The following CRISP1 variants were observed in gnomAD, a reference collection of about 807,000 sequenced individuals.
CRISP1 encodes cysteine-rich secretory protein 1.
A neutral mutation model predicts 33.1 loss-of-function variants in CRISP1; 44 were observed. The observed-to-expected ratio is 1.33, with a 90% CI of 1.05 to 1.71. The LOEUF (loss-of-function observed/expected upper bound fraction) is 1.71. Ranked by LOEUF, CRISP1 falls within the 40% of genes most tolerant of loss-of-function variation. CRISP1 has a pLI of 0.00. For missense variants in CRISP1, 390 were observed against 301.2 expected, an observed-to-expected ratio of 1.29 and a Z score of -2.18; for synonymous variants, 103 against 98.7, an observed-to-expected ratio of 1.04 and a Z score of -0.26.
intron 1 of CRISP1, among the ~76,000 whole-genome samples, chr6:49,864,390 GT>G (rs1771742151): frequency 8.2e-6 from 1 of 121,926 alleles, no homozygotes; most frequent in Non-Finnish European, 1.6e-5. Flanking sequence ...TTCACTGTGT[GT>G]GTGTGTGTGT....
intron 5 of CRISP1, among the ~76,000 whole-genome samples, chr6:49,846,116 G>A (rs1427745168): frequency 6.6e-6 from 1 of 152,162 alleles, no homozygotes; most frequent in Non-Finnish European, 1.5e-5. Context: ...CCACATTAAT[G>A]CTGAACATGA....
At chr6:49,836,461 G>C (rs935493570) in intron 7 of CRISP1, among the ~76,000 whole-genome samples, 1 of 150,716 alleles carries the variant, frequency 6.6e-6, no homozygotes, top group Non-Finnish European at 1.5e-5. Context: ...TCAGCCTCCC[G>C]AGTAGCTGGG....
chr6:49,856,148 T>C (rs759789171), intron 2 of CRISP1, among the ~76,000 whole-genome samples: 1 of 152,190 alleles, frequency 6.6e-6, no homozygotes, highest in East Asian at 1.9e-4. Flanking sequence ...ACTTATCTGC[T>C]CTTTGCTCTG....
chr6:49,872,522 T>C (rs1771948407), intron 1 of CRISP1, among the ~76,000 whole-genome samples: 1 of 152,200 alleles, frequency 6.6e-6, no homozygotes, highest in Admixed American at 6.5e-5. Flanking sequence ...TCTAGGGTTT[T>C]TATGGTTTTA....
rs942035641 is a variant in CRISP1, at chr6:49,834,632, T to C, written c.*684A>G. On this transcript the variant is annotated 3_prime_UTR_variant, in exon 8 of 8. Transcript: ENST00000335847. ...ATATTATGCTATTTTATATATCTTT[T>C]ATACTGCCTTTGCAATGAAATGAAA... The C allele has an allele frequency of 1.8e-4, 28 of 152,196 alleles. No homozygotes were observed. The highest frequency in any genetic ancestry group is 1.8e-3 in the Admixed American group (27 of 15,274). 9.4% of individuals were successfully genotyped at this position (152,196 alleles called of 1,614,324 possible).
chr6:49,869,050 C>A (rs1041347369), upstream of CRISP1, among the ~76,000 whole-genome samples: 2 of 152,082 alleles, frequency 1.3e-5, no homozygotes, highest in African/African-American at 4.8e-5. Flanking sequence ...TTGTCTACTT[C>A]TCATAATAAA....
chr6:49,874,208 T>C (rs1771983966), intron 1 of CRISP1, among the ~76,000 whole-genome samples: 2 of 152,066 alleles, frequency 1.3e-5, no homozygotes, highest in South Asian at 4.1e-4. Flanking sequence ...AGATCTTCCT[T>C]CAGTAGCTAT....
chr6:49,862,792 C>T (rs931867063), intron 1 of CRISP1, among the ~76,000 whole-genome samples: 6 of 149,280 alleles, frequency 4.0e-5, no homozygotes, highest in Admixed American at 2.0e-4. Context: ...CTCAAAGTTA[C>T]ACCTTCTCAG....
chr6:49,837,721 T>G (rs1044157541), intron 7 of CRISP1, among the ~76,000 whole-genome samples: 2 of 152,130 alleles, frequency 1.3e-5, no homozygotes, highest in Admixed American at 6.5e-5. Flanking sequence ...CTAAGGTTTA[T>G]TTTTTTCTCC....
At chr6:49,863,557 A>T (rs564638427) in intron 1 of CRISP1, among the ~76,000 whole-genome samples, 27 of 152,360 alleles carry the variant, frequency 1.8e-4, no homozygotes, top group Middle Eastern at 3.4e-3. Context: ...AACTTGATAC[A>T]TTATTTAAAT....
chr6:49,852,389 A>G (rs1189803174), intron 2 of CRISP1, among the ~76,000 whole-genome samples: 2 of 152,150 alleles, frequency 1.3e-5, no homozygotes, highest in African/African-American at 2.4e-5. Context: ...TTCCAGGTTC[A>G]TACTTTGGAC....
chr6:49,858,792 A>G (rs565150843), intron 1 of CRISP1, among the ~76,000 whole-genome samples: 1 of 152,300 alleles, frequency 6.6e-6, no homozygotes, highest in South Asian at 2.1e-4. Flanking sequence ...AAAAAGGTAA[A>G]TAAAAGGGAG....
intron 1 of CRISP1, among the ~76,000 whole-genome samples, chr6:49,873,980 T>C (rs931776712): frequency 2.0e-5 from 3 of 152,084 alleles, no homozygotes; most frequent in Admixed American, 1.3e-4. Context: ...ATACATTCCT[T>C]AACCCACAGT....
rs771323783 is a variant in CRISP1 at position 49,838,993 on chromosome 6, A to G, written c.534-468T>C. 5.3e-5 allele frequency among the ~76,000 whole-genome samples: 8 copies of G among 152,332 alleles called. No homozygotes were observed. In the East Asian group the frequency reaches 5.8e-4, roughly 11 times the overall value. On this transcript the variant is annotated intron_variant, in intron 6 of 7. Coordinates refer to ENST00000335847, the MANE Select transcript of CRISP1 (RefSeq NM_001131.3). ...TTCTAACTCCATCTTGCACTATGTT[A>G]TAAGAAACTTTTTACATGTTAATGT...
intron 3 of CRISP1, among the ~76,000 whole-genome samples, chr6:49,851,289 A>G (rs1289838125): frequency 6.6e-6 from 1 of 152,146 alleles, no homozygotes; most frequent in Non-Finnish European, 1.5e-5. Flanking sequence ...AGGCCGGTCC[A>G]GGGTTCAAGG....
intron 1 of CRISP1, among the ~76,000 whole-genome samples, chr6:49,872,405 T>A (rs962303070): frequency 6.6e-6 from 1 of 152,138 alleles, no homozygotes; most frequent in African/African-American, 2.4e-5. Context: ...TTTAGTTTAA[T>A]TAGATCCCAT....
chr6:49,848,392 C>A lies in CRISP1; in HGVS notation c.196-93G>T, dbSNP rs182515308. The A allele has an allele frequency of 1.1e-3, 690 of 639,784 alleles. 8 individuals carry two copies. The African/African-American group carries it at 0.012, about 11-fold the overall frequency. 39.6% of individuals were successfully genotyped at this position (639,784 alleles called of 1,614,324 possible). A position where few individuals can be genotyped will look rare whatever the true frequency, so the allele number is the denominator to read the frequency against. On this transcript the variant is annotated intron_variant, in intron 3 of 7. Transcript: ENST00000335847. ...TTTAATAATCCACGAGATATAATAT[C>A]TTCAATTGTATCAACTAGAAATTTA...
At chr6:49,855,187 T>G (rs1311877032) in intron 2 of CRISP1, among the ~76,000 whole-genome samples, 5 of 152,176 alleles carry the variant, frequency 3.3e-5, no homozygotes, top group Non-Finnish European at 7.3e-5. Flanking sequence ...AGCTTTCAAC[T>G]GGCCTCCCAG....
At chr6:49,842,046 G>A (rs538566422) in intron 5 of CRISP1, among the ~76,000 whole-genome samples, 9 of 152,120 alleles carry the variant, frequency 5.9e-5, no homozygotes, top group African/African-American at 2.2e-4. Flanking sequence ...CTTGATTAGA[G>A]AACATGTTTG....
Sources: allele counts gnomAD v4.1 joint callset (sites outside exome capture counted in the v4.1 genomes callset), GRCh38; gene constraint gnomAD v4.1.1; transcripts MANE v1.5; gene names NCBI Gene and HGNC (gene_info 2026-07-23, HGNC 2026-07-21).